Variants in IL1RN observed in about 807,000 individuals in gnomAD.
IL1RN encodes the protein interleukin-1 receptor antagonist protein.
Under a neutral mutation model 13.7 loss-of-function variants are expected in IL1RN, and 10 were observed. The ratio of observed to expected loss-of-function variants is 0.73; its 90% CI spans 0.45 to 1.24. The LOEUF (loss-of-function observed/expected upper bound fraction) is 1.24. Among genes scored for constraint, IL1RN ranks in the 50% most tolerant of loss-of-function variants. The probability of loss-of-function intolerance (pLI) is 0.00; values close to 1 mark genes in which losing one functional copy is unlikely to be tolerated. For synonymous variants in IL1RN, 102 were observed against 82.7 expected, an observed-to-expected ratio of 1.23 and a Z score of -1.27; for missense variants, 213 against 222.1, an observed-to-expected ratio of 0.96 and a Z score of 0.26.
intron 3 of IL1RN, among the ~76,000 whole-genome samples, chr2:113,131,696 G>T (rs926682184): frequency 1.3e-5 from 2 of 152,078 alleles, no homozygotes; most frequent in Non-Finnish European, 2.9e-5. Context: ...TTCTAGCAAA[G>T]CCCATCCTCA....
At chr2:113,120,226 G>A (rs1383896081) in intron 2 of IL1RN, 4 of 880,358 alleles carry the variant, frequency 4.5e-6, no homozygotes, top group South Asian at 2.7e-5. Flanking sequence ...AAGATGAATG[G>A]TTTAATTAAA....
chr2:113,109,975 G>A (rs1230987094), upstream of IL1RN, among the ~76,000 whole-genome samples: 2 of 152,140 alleles, frequency 1.3e-5, no homozygotes, highest in African/African-American at 2.4e-5. Flanking sequence ...GCTTCCTGCT[G>A]ATTGATCCTC....
chr2:113,128,633 TAG>T (rs2104453841), intron 1 of IL1RN, among the ~76,000 whole-genome samples: 1 of 152,224 alleles, frequency 6.6e-6, no homozygotes, highest in Admixed American at 6.5e-5. Context: ...AGGCTAAATC[TAG>T]AAACTAGGAT....
upstream of IL1RN, chr2:113,110,998 C>T (rs1474535059): frequency 6.6e-6 from 1 of 152,222 alleles, no homozygotes; most frequent in Non-Finnish European, 1.5e-5. Flanking sequence ...TGCATTTGGC[C>T]TCTGCCAGTT....
chr2:113,118,864 C>G (rs138883164), intron 1 of IL1RN, among the ~76,000 whole-genome samples: 1 of 152,254 alleles, frequency 6.6e-6, no homozygotes, highest in African/African-American at 2.4e-5. Flanking sequence ...TGGTGAAACC[C>G]TGTCTCTATT....
chr2:113,130,280 A>G (rs936520569), intron 2 of IL1RN, among the ~76,000 whole-genome samples: 11 of 152,126 alleles, frequency 7.2e-5, no homozygotes, highest in Non-Finnish European at 1.5e-4. Flanking sequence ...CACCTTCCCT[A>G]TGCCCTGGTT....
Position 113,131,067 on chromosome 2 carries a change from T to A in IL1RN, c.228T>A (p.Ile76=), listed in dbSNP as rs1687151546. The A allele has an allele frequency of 6.2e-7, 1 of 1,611,108 alleles. No individual in the cohort carries two copies. The highest frequency in any genetic ancestry group is 1.1e-5 in the South Asian group (1 of 91,040). The change falls in exon 3 of 4, where the codon ATT becomes ATA. Residue 76 remains isoleucine, a synonymous_variant. Transcript: ENST00000409930. ...NLEEKIDVVP[I]EPHALFLGIH... ...CAGAAAAGATAGATGTGGTACCCAT[T>A]GAGCCTCATGCTCTGTTCTTGGGAA...
upstream of IL1RN, among the ~76,000 whole-genome samples, chr2:113,104,328 T>C (rs1686356885): frequency 6.6e-6 from 1 of 152,154 alleles, no homozygotes; most frequent in Non-Finnish European, 1.5e-5. Flanking sequence ...CTTCACAGCA[T>C]GAAGTCACCA....
chr2:113,118,348 T>G (rs1268543459), intron 1 of IL1RN, among the ~76,000 whole-genome samples: 1 of 152,174 alleles, frequency 6.6e-6, no homozygotes, highest in African/African-American at 2.4e-5. Flanking sequence ...ATAGGGAAAT[T>G]GGTGAAATAG....
chr2:113,127,359 A>G, upstream of IL1RN: 11 of 643,050 alleles, frequency 1.7e-5, no homozygotes, highest in African/African-American at 2.0e-5. Flanking sequence ...CAGGAACTCA[A>G]TGAAGGGGAA....
chr2:113,117,815 T>C, upstream of IL1RN: 1 of 643,326 alleles, frequency 1.6e-6, no homozygotes, highest in South Asian at 1.8e-5. Flanking sequence ...CATCTCCTCA[T>C]GCTGGCCAAC....
chr2:113,127,845 GT>G, intron 1 of IL1RN, 105 bp downstream of exon 1: 1 of 1,105,344 alleles, frequency 9.0e-7, no homozygotes, highest in South Asian at 1.3e-5. Flanking sequence ...TGAGAACTGG[GT>G]TTGGGCTGGA....
upstream of IL1RN, among the ~76,000 whole-genome samples, chr2:113,126,970 T>C (rs1342384199): frequency 6.6e-6 from 1 of 152,236 alleles, no homozygotes; most frequent in African/African-American, 2.4e-5. Context: ...GTCAGCAGAC[T>C]CAGGCCAAAT....
upstream of IL1RN, among the ~76,000 whole-genome samples, chr2:113,126,944 T>G (rs1199387384): frequency 6.6e-6 from 1 of 152,172 alleles, no homozygotes; most frequent in Non-Finnish European, 1.5e-5. Flanking sequence ...TCAGAAGGAC[T>G]CACTTTACAT....
upstream of IL1RN, among the ~76,000 whole-genome samples, chr2:113,104,590 T>C (rs531326165): frequency 1.3e-5 from 2 of 152,210 alleles, no homozygotes; most frequent in Non-Finnish European, 2.9e-5. Context: ...CTCAGGCAGC[T>C]GGGGCGTTTT....
At chr2:113,129,790 T>A in intron 2 of IL1RN, 126 bp downstream of exon 2, 1 of 750,096 alleles carries the variant, frequency 1.3e-6, no homozygotes. Flanking sequence ...GGTCTTTGTA[T>A]TCAAGTTTGA....
chr2:113,127,635 G>T lies in IL1RN; in HGVS notation c.11G>T (p.Cys4Phe). The T allele has an allele frequency of 3.1e-6, 5 of 1,614,004 alleles. No homozygotes were observed. The highest frequency in any genetic ancestry group is 4.2e-6 in the Non-Finnish European group (5 of 1,179,984). The change falls in exon 1 of 4, where the codon TGC becomes TTC. Residue 4 changes from cysteine (C) to phenylalanine (F), a missense_variant. Cys to Phe is a radical substitution (Grantham distance 205). Coordinates refer to ENST00000409930, the MANE Select transcript of IL1RN (RefSeq NM_173842.3). ...TGCTGCAGTCACAGAATGGAAATCT[G>T]CAGAGGCCTCCGCAGTCACCTAATC... Reference protein sequence around the residue: MEICRGLRSHLITL... With the variant: MEIFRGLRSHLITL...
chr2:113,131,144 G>C lies in IL1RN; in HGVS notation c.305G>C (p.Arg102Thr), dbSNP rs371848779. Residue 102 changes from arginine (R) to threonine (T), a missense_variant, in exon 3 of 4, where the codon AGA (arginine) becomes ACA (threonine). Coordinates refer to ENST00000409930, the MANE Select transcript of IL1RN (RefSeq NM_173842.3). ...TGTGTCAAGTCTGGTGATGAGACCA[G>C]ACTCCAGCTGGAGGTAAAAACATGC... ...LSCVKSGDET[R>T]LQLEAVNITD... 21 of 1,605,890 alleles carry C rather than the reference G, an allele frequency of 1.3e-5. No homozygotes were observed. The highest frequency in any genetic ancestry group is 1.8e-5 in the Non-Finnish European group (21 of 1,172,620).
chr2:113,122,218 A>G (rs769711510), intron 2 of IL1RN, among the ~76,000 whole-genome samples: 3 of 152,216 alleles, frequency 2.0e-5, no homozygotes, highest in African/African-American at 7.2e-5. Flanking sequence ...AGGAGGCCCA[A>G]ATGAAAATGT....
Sources: gnomAD v4.1 joint callset for allele counts (sites outside exome capture counted in the v4.1 genomes callset) on GRCh38, gnomAD v4.1.1 for gene constraint, MANE v1.5 for transcripts, NCBI Gene and HGNC (gene_info 2026-07-23, HGNC 2026-07-21) for gene names.